The following KCND2 variants were observed in gnomAD, a reference collection of about 807,000 sequenced individuals.
KCND2 encodes the protein A-type voltage-gated potassium channel KCND2.
In KCND2, 16 loss-of-function variants were observed where a neutral mutation model predicts 54.4. That is an observed-to-expected ratio of 0.29 (90% CI 0.20 to 0.45). The LOEUF is 0.45. Ranked by LOEUF, KCND2 falls within the 20% of genes least tolerant of loss-of-function variation. The probability of loss-of-function intolerance (pLI) is 1.00; values close to 1 mark genes in which losing one functional copy is unlikely to be tolerated. For missense variants in KCND2, 486 were observed against 824.2 expected (o/e 0.59, Z 5.02); for synonymous variants, 317 against 310.7 (o/e 1.02, Z -0.21).
Position 120,475,779 on chromosome 7 carries a change from G to A in KCND2, c.1115+200032G>A, listed in dbSNP as rs114814828. Among the ~76,000 whole-genome samples the A allele has an allele frequency of 5.2e-3, 789 of 152,274 alleles. 6 individuals carry two copies. Among genetic ancestry groups the A allele is most frequent in the African/African-American group, 0.018 (752 of 41,550 alleles). ...GCCCATATACAAAGTGTGTAATGCTGTGGCAATATAATTCTGAATATTACT... is the reference window on the plus strand; with the variant it reads ...GCCCATATACAAAGTGTGTAATGCTATGGCAATATAATTCTGAATATTACT... On this transcript the variant is annotated intron_variant, in intron 1 of 5. Transcript: ENST00000331113.
intron 1 of KCND2, among the ~76,000 whole-genome samples, chr7:120,697,446 C>T (rs998284717): frequency 6.6e-6 from 1 of 152,008 alleles, no homozygotes; most frequent in Non-Finnish European, 1.5e-5. Flanking sequence ...TAAAAGAACA[C>T]CAGAATTCCT....
intron 1 of KCND2, among the ~76,000 whole-genome samples, chr7:120,717,063 A>G (rs187137608): frequency 6.6e-6 from 1 of 152,228 alleles, no homozygotes; most frequent in East Asian, 1.9e-4. Flanking sequence ...CTCCCTCGTA[A>G]TATCTCATTA....
At chr7:120,279,989 T>G (rs1799238845) in intron 1 of KCND2, among the ~76,000 whole-genome samples, 1 of 151,994 alleles carries the variant, frequency 6.6e-6, no homozygotes, top group Non-Finnish European at 1.5e-5. Context: ...CAGCTGTTAC[T>G]GAAATGGGTG....
At chr7:120,621,631 A>G (rs1365799834) in intron 1 of KCND2, among the ~76,000 whole-genome samples, 3 of 152,212 alleles carry the variant, frequency 2.0e-5, no homozygotes, top group African/African-American at 7.2e-5. Flanking sequence ...CCTAGTCATG[A>G]TATTAAATAT....
At chr7:120,272,993 G>C (rs1387937771), upstream of KCND2, among the ~76,000 whole-genome samples, 1 of 152,054 alleles carries the variant, frequency 6.6e-6, no homozygotes, top group Non-Finnish European at 1.5e-5. Context: ...CCGCAGCCCA[G>C]CACGTGAAGC....
chr7:120,562,058 C>T (rs753117421), intron 1 of KCND2, among the ~76,000 whole-genome samples: 6 of 152,124 alleles, frequency 3.9e-5, no homozygotes, highest in Admixed American at 1.3e-4. Flanking sequence ...ACAGATTCAA[C>T]GTATCTGTTA....
At chr7:120,492,071 C>T (rs1802790746) in intron 1 of KCND2, among the ~76,000 whole-genome samples, 1 of 152,048 alleles carries the variant, frequency 6.6e-6, no homozygotes, top group African/African-American at 2.4e-5. Context: ...CAGTGTTTGC[C>T]TGACCGTGCT....
intron 1 of KCND2, among the ~76,000 whole-genome samples, chr7:120,675,420 G>C (rs1014034810): frequency 1.3e-5 from 2 of 150,172 alleles, no homozygotes; most frequent in African/African-American, 4.9e-5. Context: ...TTTATTTTTA[G>C]TAGAGATGGG....
chr7:120,627,248 A>G (rs912579654), intron 1 of KCND2, among the ~76,000 whole-genome samples: 6 of 152,212 alleles, frequency 3.9e-5, no homozygotes, highest in Non-Finnish European at 8.8e-5. Flanking sequence ...TTTATGTAGA[A>G]GAAGAGAAAG....
At chr7:120,582,375 C>G (rs1792528167) in intron 1 of KCND2, among the ~76,000 whole-genome samples, 2 of 151,978 alleles carry the variant, frequency 1.3e-5, no homozygotes, top group African/African-American at 4.8e-5. Flanking sequence ...TATATATACT[C>G]TCCTCATTCT....
chr7:120,291,734 G>A (rs1799438471), intron 1 of KCND2, among the ~76,000 whole-genome samples: 1 of 151,724 alleles, frequency 6.6e-6, no homozygotes, highest in Admixed American at 6.6e-5. Flanking sequence ...GAGCCTGGAT[G>A]CAGTTAAAAA....
intron 1 of KCND2, among the ~76,000 whole-genome samples, chr7:120,445,915 A>T (rs1037566325): frequency 6.6e-6 from 1 of 152,116 alleles, no homozygotes; most frequent in Admixed American, 6.6e-5. Context: ...CTCTTAACCC[A>T]AGACAGCTTT....
At chr7:120,737,089 A>C (rs533092736) in intron 2 of KCND2, among the ~76,000 whole-genome samples, 249 of 149,860 alleles carry the variant, frequency 1.7e-3, no homozygotes, top group African/African-American at 5.2e-3. Flanking sequence ...CAAAAAAAAA[A>C]AAAACAAAAC....
intron 1 of KCND2, among the ~76,000 whole-genome samples, chr7:120,439,449 G>A (rs1031603309): frequency 1.1e-4 from 16 of 152,018 alleles, no homozygotes; most frequent in Non-Finnish European, 2.1e-4. Context: ...GGTATGTAAT[G>A]ATCAAATATG....
intron 1 of KCND2, among the ~76,000 whole-genome samples, chr7:120,361,915 C>T (rs2116401499): frequency 6.6e-6 from 1 of 152,150 alleles, no homozygotes; most frequent in South Asian, 2.1e-4. Context: ...ATTTACAGCT[C>T]CCCATGAATC....
intron 1 of KCND2, chr7:120,464,018 T>C (rs1802328614): frequency 3.2e-5 from 15 of 471,308 alleles, no homozygotes; most frequent in Non-Finnish European, 4.2e-5. Context: ...CTTAGTTTTG[T>C]TTTTTTTTTT....
At chr7:120,469,979 T>A (rs1204714872) in intron 1 of KCND2, among the ~76,000 whole-genome samples, 1 of 152,126 alleles carries the variant, frequency 6.6e-6, no homozygotes, top group Non-Finnish European at 1.5e-5. Flanking sequence ...TGAGCATTAC[T>A]CTTAAGAGTT....
At chr7:120,557,050 A>G (rs1455188200) in intron 1 of KCND2, among the ~76,000 whole-genome samples, 1 of 152,188 alleles carries the variant, frequency 6.6e-6, no homozygotes, top group Non-Finnish European at 1.5e-5. Context: ...GATGGCTGCT[A>G]GTCTTTCATT....
chr7:120,279,834 A>G (rs1404713461), intron 1 of KCND2, among the ~76,000 whole-genome samples: 2 of 151,926 alleles, frequency 1.3e-5, no homozygotes. Flanking sequence ...CGATAACATT[A>G]TGTTATAATT....
Sources: allele counts gnomAD v4.1 joint callset (sites outside exome capture counted in the v4.1 genomes callset), GRCh38; gene constraint gnomAD v4.1.1; transcripts MANE v1.5; gene names NCBI Gene and HGNC (gene_info 2026-07-23, HGNC 2026-07-21).